Variants in MARCHF1 observed in about 807,000 individuals in gnomAD.
MARCHF1 encodes the protein E3 ubiquitin-protein ligase MARCHF1.
A neutral mutation model predicts 54.2 loss-of-function variants in MARCHF1; 40 were observed. The ratio of observed to expected loss-of-function variants is 0.74; its 90% confidence interval spans 0.57 to 0.96. The LOEUF (loss-of-function observed/expected upper bound fraction) is 0.96, where lower values mean the gene tolerates loss of function less well. Ranked by LOEUF, MARCHF1 falls within the 40% of genes least tolerant of loss-of-function variation. The pLI is 0.00. For synonymous variants in MARCHF1, 236 were observed against 236.3 expected (o/e 1.00, Z 0.01); for missense variants, 586 against 656.5 (o/e 0.89, Z 1.17).
intron 1 of MARCHF1, among the ~76,000 whole-genome samples, chr4:164,317,900 A>G (rs967309388): frequency 1.3e-5 from 2 of 152,154 alleles, no homozygotes; most frequent in African/African-American, 4.8e-5. Flanking sequence ...AATTAGGTCA[A>G]CTGTGTTTCA....
chr4:164,127,224 A>C (rs1560917048), intron 1 of MARCHF1, among the ~76,000 whole-genome samples: 1 of 152,172 alleles, frequency 6.6e-6, no homozygotes, highest in Non-Finnish European at 1.5e-5. Context: ...TCCAGCTGAT[A>C]TTTACCTGAA....
At chr4:163,664,537 T>C (rs1188031543) in intron 5 of MARCHF1, among the ~76,000 whole-genome samples, 2 of 152,034 alleles carry the variant, frequency 1.3e-5, no homozygotes, top group Non-Finnish European at 2.9e-5. Context: ...TACAGAGAAC[T>C]CAGCTGCCCT....
intron 1 of MARCHF1, among the ~76,000 whole-genome samples, chr4:164,302,767 G>A (rs186911918): frequency 6.6e-4 from 100 of 151,574 alleles, no homozygotes; most frequent in Admixed American, 6.6e-3. Context: ...TACTCGGGAG[G>A]CTGAGGCATG....
At chr4:164,021,692 T>C (rs920006382) in intron 2 of MARCHF1, among the ~76,000 whole-genome samples, 1 of 151,866 alleles carries the variant, frequency 6.6e-6, no homozygotes, top group Non-Finnish European at 1.5e-5. Flanking sequence ...CTGTCTCTAC[T>C]AAAAATACAA....
intron 1 of MARCHF1, among the ~76,000 whole-genome samples, chr4:164,326,436 AAG>A (rs1735283176): frequency 6.6e-6 from 1 of 152,218 alleles, no homozygotes; most frequent in Non-Finnish European, 1.5e-5. Flanking sequence ...ATTGGATACC[AAG>A]AGAGATACAG....
chr4:163,774,709 T>C (rs1420932001), intron 4 of MARCHF1, among the ~76,000 whole-genome samples: 1 of 152,134 alleles, frequency 6.6e-6, no homozygotes, highest in African/African-American at 2.4e-5. Flanking sequence ...TTGGCCAGGC[T>C]GGTCTTGAAC....
chr4:164,279,915 C>T (rs17044851), intron 1 of MARCHF1, among the ~76,000 whole-genome samples: 95,312 of 151,474 alleles, frequency 0.63, 31,612 homozygotes, highest in Non-Finnish European at 0.76. Context: ...ACCAGCTTTA[C>T]ATAACATGAA....
At chr4:164,084,405 G>A (rs1255070298) in intron 2 of MARCHF1, among the ~76,000 whole-genome samples, 1 of 151,592 alleles carries the variant, frequency 6.6e-6, no homozygotes, top group Non-Finnish European at 1.5e-5. Flanking sequence ...TTTTAAATGA[G>A]GTATATTTTA....
chr4:163,731,997 T>A (rs1745854225), intron 4 of MARCHF1, among the ~76,000 whole-genome samples: 1 of 151,972 alleles, frequency 6.6e-6, no homozygotes, highest in Non-Finnish European at 1.5e-5. Flanking sequence ...ATATCTAATA[T>A]CCAACTAGGT....
At chr4:164,140,670 C>A (rs1756510035) in intron 1 of MARCHF1, among the ~76,000 whole-genome samples, 1 of 152,100 alleles carries the variant, frequency 6.6e-6, no homozygotes, top group South Asian at 2.1e-4. Flanking sequence ...TCTTCCTTGG[C>A]AATACCTGTC....
chr4:164,166,032 G>A (rs550799424), intron 1 of MARCHF1, among the ~76,000 whole-genome samples: 25 of 152,048 alleles, frequency 1.6e-4, no homozygotes, highest in African/African-American at 4.6e-4. Context: ...CTCATTTTCA[G>A]AAAACTTTTA....
chr4:163,673,222 G>T (rs1361373959), intron 5 of MARCHF1, among the ~76,000 whole-genome samples: 1 of 152,178 alleles, frequency 6.6e-6, no homozygotes, highest in East Asian at 1.9e-4. Flanking sequence ...GAGAGTTACT[G>T]ATTAAATAAC....
intron 7 of MARCHF1, among the ~76,000 whole-genome samples, chr4:163,605,429 G>A (rs1222546555): frequency 2.6e-5 from 4 of 152,292 alleles, no homozygotes; most frequent in African/African-American, 9.6e-5. Flanking sequence ...AGGATGTGGA[G>A]AAATAGGAAC....
At chr4:163,684,652 C>A (rs1744212001) in intron 5 of MARCHF1, among the ~76,000 whole-genome samples, 1 of 152,210 alleles carries the variant, frequency 6.6e-6, no homozygotes, top group African/African-American at 2.4e-5. Flanking sequence ...TTGTTACCAG[C>A]ATTGCTTAAG....
At chr4:163,903,694 T>C (rs1750991890) in intron 3 of MARCHF1, among the ~76,000 whole-genome samples, 1 of 152,098 alleles carries the variant, frequency 6.6e-6, no homozygotes, top group Non-Finnish European at 1.5e-5. Flanking sequence ...CACTGCAACG[T>C]CTGCATCCCA....
rs766630323 is a variant in MARCHF1, at chr4:163,982,947, A to C, written c.-39+5554T>G. Among the ~76,000 whole-genome samples the C allele has an allele frequency of 2.3e-4, 35 of 152,210 alleles. 1 individual carries two copies. The highest frequency in any genetic ancestry group is 1.3e-4 in the Admixed American group (2 of 15,282). On this transcript the variant is annotated intron_variant, in intron 3 of 9. Coordinates refer to ENST00000514618, the MANE Select transcript of MARCHF1 (RefSeq NM_001394959.1). ...GTATCCATTCCTGAACCAGTTACCA[A>C]GACAGAGTATTGTGATACACGGATT...
intron 4 of MARCHF1, among the ~76,000 whole-genome samples, chr4:163,839,795 C>T (rs532719335): frequency 3.9e-5 from 6 of 151,946 alleles, no homozygotes; most frequent in South Asian, 2.1e-4. Flanking sequence ...TAGATTATAC[C>T]GATGATTGCA....
At chr4:164,232,470 G>A (rs1375735470) in intron 1 of MARCHF1, among the ~76,000 whole-genome samples, 2 of 152,064 alleles carry the variant, frequency 1.3e-5, no homozygotes, top group African/African-American at 4.8e-5. Context: ...AACACTAATA[G>A]CAATGAATGA....
chr4:164,268,572 ACAG>A (rs1733667648), intron 1 of MARCHF1, among the ~76,000 whole-genome samples: 1 of 152,092 alleles, frequency 6.6e-6, no homozygotes, highest in East Asian at 1.9e-4. Context: ...CTGATATAAA[ACAG>A]ACCTCTTCTG....
Sources: gnomAD v4.1 joint callset for allele counts (sites outside exome capture counted in the v4.1 genomes callset) on GRCh38, gnomAD v4.1.1 for gene constraint, MANE v1.5 for transcripts, NCBI Gene and HGNC (gene_info 2026-07-23, HGNC 2026-07-21) for gene names.